FHIT: variants seen among roughly 807,000 people sequenced by gnomAD.
FHIT encodes the protein fragile histidine triad diadenosine triphosphatase, also known as bis(5'-adenosyl)-triphosphatase.
FHIT carries 19 observed loss-of-function variants against 17.9 expected under a neutral mutation model. The observed-to-expected ratio is 1.06, with a 90% CI of 0.74 to 1.56. FHIT has a LOEUF of 1.56. Among genes scored for constraint, FHIT ranks in the 40% most tolerant of loss-of-function variants. FHIT has a pLI of 0.00. For missense variants in FHIT, 248 were observed against 189.2 expected (o/e 1.31, Z -1.82); for synonymous variants, 81 against 69.7 (o/e 1.16, Z -0.81).
chr3:61,208,379 T>A (rs1344612452), intron 1 of FHIT, among the ~76,000 whole-genome samples: 2 of 152,104 alleles, frequency 1.3e-5, no homozygotes, highest in Admixed American at 6.5e-5. Flanking sequence ...TTGTTAACTT[T>A]CTGTCTTGTT....
chr3:60,242,863 A>G (rs1705205124), intron 5 of FHIT, among the ~76,000 whole-genome samples: 1 of 151,994 alleles, frequency 6.6e-6, no homozygotes, highest in South Asian at 2.1e-4. Flanking sequence ...ACACATACAC[A>G]TATGTGAACA....
At chr3:60,141,394 A>C (rs1325685987) in intron 5 of FHIT, among the ~76,000 whole-genome samples, 1 of 152,048 alleles carries the variant, frequency 6.6e-6, no homozygotes, top group Non-Finnish European at 1.5e-5. Context: ...TAAAAAAAAA[A>C]AAAAAACACT....
At chr3:60,217,248 G>A (rs1220120630) in intron 5 of FHIT, among the ~76,000 whole-genome samples, 1 of 152,040 alleles carries the variant, frequency 6.6e-6, no homozygotes, top group African/African-American at 2.4e-5. Flanking sequence ...TCTGCTTCAT[G>A]GCCTAATTTG....
At chr3:60,734,852 C>T (rs1453308426) in intron 4 of FHIT, among the ~76,000 whole-genome samples, 1 of 152,182 alleles carries the variant, frequency 6.6e-6, no homozygotes, top group Non-Finnish European at 1.5e-5. Context: ...CCTTGTAAAA[C>T]ATACTGAAAT....
intron 1 of FHIT, among the ~76,000 whole-genome samples, chr3:61,204,828 TTTATTA>T (rs886353415): frequency 6.6e-6 from 1 of 152,102 alleles, no homozygotes; most frequent in Non-Finnish European, 1.5e-5. Context: ...TTTTTAAAAT[TTTATTA>T]TTATTATACT....
chr3:60,880,268 T>A (rs1017951304), intron 3 of FHIT, among the ~76,000 whole-genome samples: 1 of 152,212 alleles, frequency 6.6e-6, no homozygotes, highest in East Asian at 1.9e-4. Flanking sequence ...GGATACTATA[T>A]CCAGCAAATA....
At chr3:61,014,217 C>T (rs2107629942) in intron 3 of FHIT, among the ~76,000 whole-genome samples, 1 of 152,102 alleles carries the variant, frequency 6.6e-6, no homozygotes, top group East Asian at 1.9e-4. Flanking sequence ...CTTTAAAGAT[C>T]CCTTCCAGCA....
intron 7 of FHIT, among the ~76,000 whole-genome samples, chr3:59,988,322 T>A (rs1427372275): frequency 6.6e-6 from 1 of 152,126 alleles, no homozygotes; most frequent in Non-Finnish European, 1.5e-5. Context: ...CTCTCGCATC[T>A]CTCTTTGATA....
intron 5 of FHIT, among the ~76,000 whole-genome samples, chr3:60,136,476 G>A (rs980129575): frequency 1.3e-5 from 2 of 152,066 alleles, no homozygotes; most frequent in African/African-American, 4.8e-5. Flanking sequence ...TCTAACCCCT[G>A]GTCTCACATA....
intron 4 of FHIT, among the ~76,000 whole-genome samples, chr3:60,780,174 G>C (rs1700336990): frequency 6.6e-6 from 1 of 152,190 alleles, no homozygotes; most frequent in Non-Finnish European, 1.5e-5. Flanking sequence ...TCTTCAGTCT[G>C]TATCCCTTTC....
intron 3 of FHIT, among the ~76,000 whole-genome samples, chr3:61,032,809 T>C (rs1215524293): frequency 1.3e-5 from 2 of 152,172 alleles, no homozygotes; most frequent in Non-Finnish European, 2.9e-5. Context: ...GATTGGCCCA[T>C]GCCATTATGG....
chr3:60,075,427 T>C lies in FHIT; in HGVS notation c.104-61275A>G, dbSNP rs555867841. 5.3e-5 allele frequency among the ~76,000 whole-genome samples: 8 copies of C among 152,310 alleles called. No homozygotes were observed. The South Asian group carries it at 1.7e-3, about 32-fold the overall frequency. ...CTAGTCACTTAACAAGTGCTCATTG[T>C]ATCATTTAAAAAATAATACAATAGA... On this transcript the variant is annotated intron_variant, in intron 5 of 9. Coordinates refer to ENST00000492590, the MANE Select transcript of FHIT (RefSeq NM_002012.4).
intron 5 of FHIT, among the ~76,000 whole-genome samples, chr3:60,045,751 T>G (rs1251530502): frequency 6.6e-6 from 1 of 151,916 alleles, no homozygotes; most frequent in Non-Finnish European, 1.5e-5. Flanking sequence ...CTGAAAAAAT[T>G]TGAATGTGAG....
chr3:61,056,381 C>T (rs1426616480), intron 2 of FHIT, among the ~76,000 whole-genome samples: 1 of 152,230 alleles, frequency 6.6e-6, no homozygotes, highest in Admixed American at 6.5e-5. Context: ...TTGTCACCTA[C>T]TGTGTGAGGC....
At chr3:60,447,826 AAT>A (rs1193434276) in intron 5 of FHIT, among the ~76,000 whole-genome samples, 2 of 152,168 alleles carry the variant, frequency 1.3e-5, no homozygotes, top group African/African-American at 4.8e-5. Context: ...CTTTCTGTAG[AAT>A]ATAGTGTCCT....
intron 5 of FHIT, among the ~76,000 whole-genome samples, chr3:60,509,208 A>G (rs2034851352): frequency 6.6e-6 from 1 of 152,156 alleles, no homozygotes; most frequent in South Asian, 2.1e-4. Flanking sequence ...CAGGACATGT[A>G]TGGTTGGAGC....
At chr3:59,828,873 G>GTT (rs1338557785) in intron 8 of FHIT, among the ~76,000 whole-genome samples, 1 of 151,244 alleles carries the variant, frequency 6.6e-6, no homozygotes, top group East Asian at 1.9e-4. Flanking sequence ...GTGTGTGTGT[G>GTT]TATCCTACCA....
chr3:60,162,548 T>C (rs1019786767), intron 5 of FHIT, among the ~76,000 whole-genome samples: 6 of 152,340 alleles, frequency 3.9e-5, no homozygotes, highest in Non-Finnish European at 8.8e-5. Context: ...TTTCTTCTGA[T>C]AGTGCTATTT....
intron 4 of FHIT, among the ~76,000 whole-genome samples, chr3:60,653,946 T>A (rs1354450819): frequency 6.6e-6 from 1 of 151,806 alleles, no homozygotes; most frequent in Non-Finnish European, 1.5e-5. Context: ...TGGTGGGAGG[T>A]GTTTGGATCA....
Sources: allele counts gnomAD v4.1 joint callset (sites outside exome capture counted in the v4.1 genomes callset), GRCh38; gene constraint gnomAD v4.1.1; transcripts MANE v1.5; gene names NCBI Gene and HGNC (gene_info 2026-07-23, HGNC 2026-07-21).